TRIM9: variants seen among roughly 807,000 people sequenced by gnomAD.
TRIM9 encodes the protein E3 ubiquitin-protein ligase TRIM9.
Under a neutral mutation model 78.3 loss-of-function variants are expected in TRIM9, and 26 were observed. The ratio of observed to expected loss-of-function variants is 0.33; its 90% CI spans 0.24 to 0.46. TRIM9 has a LOEUF of 0.46. TRIM9 is among the 20% of genes least tolerant of loss of function. TRIM9 has a pLI of 1.00. For missense variants in TRIM9, 787 were observed against 1,036.4 expected (o/e 0.76, Z 3.30); for synonymous variants, 398 against 416.5 (o/e 0.96, Z 0.54).
chr14:51,033,182 C>A (rs368909905), intron 1 of TRIM9, among the ~76,000 whole-genome samples: 1 of 152,158 alleles, frequency 6.6e-6, no homozygotes, highest in African/African-American at 2.4e-5. Flanking sequence ...CTCCACCTCC[C>A]GGGTTCAAGC....
chr14:51,011,478 C>A (rs1313520214), intron 3 of TRIM9, among the ~76,000 whole-genome samples: 1 of 152,184 alleles, frequency 6.6e-6, no homozygotes, highest in Admixed American at 6.5e-5. Context: ...CTGCAGCTAT[C>A]TTTGAATGGT....
chr14:51,083,663 T>C (rs150407994), intron 1 of TRIM9, among the ~76,000 whole-genome samples: 1 of 152,180 alleles, frequency 6.6e-6, no homozygotes, highest in African/African-American at 2.4e-5. Context: ...AGTTACAAAA[T>C]GGAGAGAGAT....
At chr14:50,993,225 C>G (rs981483722) in intron 7 of TRIM9, among the ~76,000 whole-genome samples, 1 of 152,036 alleles carries the variant, frequency 6.6e-6, no homozygotes, top group Non-Finnish European at 1.5e-5. Flanking sequence ...GACCTGCTCA[C>G]CTGGGATGGG....
At chr14:51,017,180 A>T (rs2057298834) in intron 3 of TRIM9, among the ~76,000 whole-genome samples, 1 of 152,212 alleles carries the variant, frequency 6.6e-6, no homozygotes, top group South Asian at 2.1e-4. Context: ...AGCATTTTAA[A>T]TTTCTCACAT....
intron 1 of TRIM9, among the ~76,000 whole-genome samples, chr14:51,052,112 G>C (rs2060483386): frequency 6.6e-6 from 1 of 152,052 alleles, no homozygotes; most frequent in Non-Finnish European, 1.5e-5. Context: ...GAACCATCCA[G>C]ACTTAGGGTC....
rs187019906 is a variant in TRIM9, at chr14:50,983,462, C to G, written c.1793-41G>C. 42 of 1,484,504 alleles carry G rather than the reference C, an allele frequency of 2.8e-5. No homozygotes were observed. In the African/African-American group the frequency reaches 4.9e-4, roughly 17 times the overall value. 92.0% of individuals were successfully genotyped at this position (1,484,504 alleles called of 1,614,324 possible). On this transcript the variant is annotated intron_variant, in intron 8 of 12. Coordinates refer to ENST00000684578, the MANE Select transcript of TRIM9 (RefSeq NM_001387360.1). ...ACACATCAACGCTATGAAACAACAA[C>G]CAGGTTGATAAAAATTACTTGTATA...
intron 1 of TRIM9, 143 bp from the exon 2 acceptor site, chr14:51,025,503 T>C (rs980039190): frequency 5.9e-6 from 4 of 676,514 alleles, no homozygotes; most frequent in African/African-American, 5.4e-5. Context: ...TTTGTACAGG[T>C]AGATTCTGGT....
intron 1 of TRIM9, among the ~76,000 whole-genome samples, chr14:51,062,039 T>C (rs1001118937): frequency 8.5e-5 from 13 of 152,228 alleles, no homozygotes; most frequent in Admixed American, 6.5e-4. Flanking sequence ...AGATTATTTC[T>C]TCTTAAAGTT....
At chr14:51,093,453 A>G (rs2064596314) in intron 1 of TRIM9, among the ~76,000 whole-genome samples, 2 of 152,216 alleles carry the variant, frequency 1.3e-5, no homozygotes, top group African/African-American at 2.4e-5. Flanking sequence ...CAACTCCGGA[A>G]GGGTTCAGGC....
rs886531388 is a variant in TRIM9 at position 50,996,480 on chromosome 14, A to T, written c.1603+1570T>A. The T allele has an allele frequency of 5.1e-6, 5 of 985,450 alleles. No individual in the cohort carries two copies. The African/African-American group carries it at 8.7e-5, about 17-fold the overall frequency. The allele number at this position is 985,450 out of a possible 1,614,324, so 61.0% of individuals were successfully genotyped here. On this transcript the variant is annotated intron_variant, in intron 7 of 12. Coordinates refer to ENST00000684578, the MANE Select transcript of TRIM9 (RefSeq NM_001387360.1). ...TTACCAGAATAGTATGATTCCCATG[A>T]TGTATTATGAATAGAAATAGTTTTC... is the stretch of plus-strand genomic sequence containing the variant.
chr14:51,048,371 GAC>G (rs574270914), intron 1 of TRIM9, among the ~76,000 whole-genome samples: 32 of 152,360 alleles, frequency 2.1e-4, no homozygotes, highest in Non-Finnish European at 4.1e-4. Context: ...TCTAGGAAAA[GAC>G]AGTGAGCATG....
rs540218662 is a variant in TRIM9, at chr14:51,046,154, A to G, written c.823-20794T>C. Among the ~76,000 whole-genome samples the G allele has an allele frequency of 4.8e-3, 480 of 99,712 alleles. 1 individual carries two copies. Among genetic ancestry groups the G allele is most frequent in the Admixed American group, 8.9e-3 (71 of 7,954 alleles). 65.4% of individuals were successfully genotyped at this position (99,712 alleles called of 152,430 possible). A position where few individuals can be genotyped will look rare whatever the true frequency, so the allele number is the denominator to read the frequency against. On this transcript the variant is annotated intron_variant, in intron 1 of 12. Transcript: ENST00000684578. Reference sequence around the variant, plus strand: ...GTAGCCAGGGATTAGGGATGGGGACAGGGGTGATGGGGTGGGGGTTGAACC... The same window carrying G: ...GTAGCCAGGGATTAGGGATGGGGACGGGGGTGATGGGGTGGGGGTTGAACC...
chr14:50,978,649 C>T, intron 12 of TRIM9: 1 of 156,558 alleles, frequency 6.4e-6, no homozygotes, highest in Non-Finnish European at 1.4e-5. Flanking sequence ...CTCCACTGCA[C>T]TAAACACCTT....
At chr14:50,982,225 G>T (rs1192786379) in intron 10 of TRIM9, 122 bp from the exon 11 acceptor site, 11 of 1,176,654 alleles carry the variant, frequency 9.3e-6, no homozygotes, top group Non-Finnish European at 1.3e-5. Context: ...CAGGAAGGAG[G>T]CGTCCAGGGC....
intron 3 of TRIM9, among the ~76,000 whole-genome samples, chr14:51,012,177 G>C (rs1284473062): frequency 6.6e-6 from 1 of 152,056 alleles, no homozygotes; most frequent in African/African-American, 2.4e-5. Flanking sequence ...TCCATCTCCA[G>C]AACTTTTTCA....
intron 3 of TRIM9, among the ~76,000 whole-genome samples, chr14:51,015,186 G>A (rs1439448449): frequency 1.3e-5 from 2 of 152,198 alleles, no homozygotes; most frequent in Non-Finnish European, 1.5e-5. Flanking sequence ...CTGAAGGACT[G>A]TTGTGTCTCT....
chr14:50,982,419 T>C, intron 10 of TRIM9: 1 of 423,030 alleles, frequency 2.4e-6, no homozygotes, highest in South Asian at 2.7e-5. Flanking sequence ...GGCAGAACAG[T>C]GCACCAGAGA....
rs554406124 is a variant in TRIM9 at position 51,010,556 on chromosome 14, C to T, written c.1042-62G>A. On this transcript the variant is annotated intron_variant, in intron 3 of 12. Transcript: ENST00000684578. Reference sequence around the variant, plus strand: ...TGGCAGAGGGTAGAAGAGAAGCAAACTGGACCATTGGAAAGCTTCTTCAAA... The same window carrying T: ...TGGCAGAGGGTAGAAGAGAAGCAAATTGGACCATTGGAAAGCTTCTTCAAA... 5 of 1,222,256 alleles carry T rather than the reference C, an allele frequency of 4.1e-6. No homozygotes were observed. The East Asian group carries it at 1.2e-4, about 29-fold the overall frequency. 75.7% of individuals were successfully genotyped at this position (1,222,256 alleles called of 1,614,324 possible).
chr14:51,059,076 T>A (rs8008268), intron 1 of TRIM9, among the ~76,000 whole-genome samples: 1 of 152,042 alleles, frequency 6.6e-6, no homozygotes, highest in East Asian at 1.9e-4. Flanking sequence ...GCCAGGCCTA[T>A]GACCAACCCC....
Sources: gnomAD v4.1 joint callset for allele counts (sites outside exome capture counted in the v4.1 genomes callset) on GRCh38, gnomAD v4.1.1 for gene constraint, MANE v1.5 for transcripts, NCBI Gene and HGNC (gene_info 2026-07-23, HGNC 2026-07-21) for gene names.